The following PDGFB variants were observed in gnomAD, a reference collection of about 807,000 sequenced individuals.
PDGFB encodes platelet-derived growth factor subunit B.
In PDGFB, 6 loss-of-function variants were observed where a neutral mutation model predicts 29.0. The observed-to-expected ratio is 0.21, with a 90% confidence interval of 0.11 to 0.41. PDGFB has a LOEUF of 0.41. PDGFB is among the 10% of genes least tolerant of loss of function. PDGFB has a pLI of 1.00. For synonymous variants in PDGFB, 144 were observed against 140.8 expected (o/e 1.02, Z -0.16); for missense variants, 299 against 341.8 (o/e 0.87, Z 0.99).
rs749204297 is a variant in PDGFB, at chr22:39,243,874, C to G, written c.63+27G>C. On this transcript the variant is annotated intron_variant, in intron 1 of 6. Transcript: ENST00000331163. The surrounding 1 kb of genome is among the most constrained non-coding windows in gnomAD (Gnocchi z 6.4). ...GGGGGCGAAGGTAATGAATGAAGAA[C>G]CAGCCCCAGCCGCCGTGGCAACTCA... is the stretch of plus-strand genomic sequence containing the variant. 5 of 1,586,166 alleles carry G rather than the reference C, an allele frequency of 3.2e-6. No individual in the cohort carries two copies. The highest frequency in any genetic ancestry group is 4.3e-6 in the Non-Finnish European group (5 of 1,163,848).
intron 2 of PDGFB, among the ~76,000 whole-genome samples, chr22:39,234,239 C>A (rs145984560): frequency 6.6e-6 from 1 of 152,196 alleles, no homozygotes; most frequent in Non-Finnish European, 1.5e-5. Flanking sequence ...TCTGTTGATT[C>A]CTCTGGTCAC....
At chr22:39,236,504 C>A (rs1932446358) in intron 1 of PDGFB, among the ~76,000 whole-genome samples, 1 of 152,242 alleles carries the variant, frequency 6.6e-6, no homozygotes, top group Non-Finnish European at 1.5e-5. Flanking sequence ...GCCGGGAAAC[C>A]TGAAAGCTTA....
At chr22:39,228,483 G>A (rs1932218993) in intron 5 of PDGFB, among the ~76,000 whole-genome samples, 2 of 152,296 alleles carry the variant, frequency 1.3e-5, no homozygotes, top group South Asian at 4.1e-4. Flanking sequence ...CAGCTACTCA[G>A]GAGGCTGAGG....
At chr22:39,226,937 C>T (rs530392634) in intron 5 of PDGFB, among the ~76,000 whole-genome samples, 1 of 152,336 alleles carries the variant, frequency 6.6e-6, no homozygotes, top group African/African-American at 2.4e-5. Context: ...CACTTAACTG[C>T]CCTGTGCCTC....
At chr22:39,235,286 G>C (rs889365097) in intron 2 of PDGFB, among the ~76,000 whole-genome samples, 1 of 152,180 alleles carries the variant, frequency 6.6e-6, no homozygotes, top group Non-Finnish European at 1.5e-5. Context: ...TGTCAATCCA[G>C]CCCGCCAGCC....
Position 39,231,668 on chromosome 22 carries a change from C to A in PDGFB, c.410G>T (p.Arg137Leu), listed in dbSNP as rs755704691. ...CTGGGTGGGGCGGCACTGCACGTTG[C>A]GGTTGTTGCAGCAGCCGGAGCAGCG... ...VQRCSGCCNN[R>L]NVQCRPTQVQ... The change falls in exon 4 of 7, where the codon CGC (arginine) becomes CTC (leucine). Residue 137 changes from arginine (R) to leucine (L), a missense_variant. Transcript: ENST00000331163. This position sits in a 1 kb window ranked among gnomAD's most constrained non-coding sequence, Gnocchi z 4.3. The A allele has an allele frequency of 1.3e-6, 2 of 1,593,144 alleles. No individual in the cohort carries two copies. The highest frequency in any genetic ancestry group is 2.3e-5 in the East Asian group (1 of 43,836).
chr22:39,243,274 T>C lies in PDGFB; in HGVS notation c.63+627A>G, dbSNP rs111372553. Among the ~76,000 whole-genome samples the C allele has an allele frequency of 0.095, 5,743 of 60,432 alleles. 346 individuals carry two copies. The highest frequency in any genetic ancestry group is 0.22 in the African/African-American group (5,325 of 24,468). The allele number at this position is 60,432 out of a possible 152,430, so 39.6% of individuals were successfully genotyped here. A position where few individuals can be genotyped will look rare whatever the true frequency, so the allele number is the denominator to read the frequency against. On this transcript the variant is annotated intron_variant, in intron 1 of 6. Transcript: ENST00000331163. The surrounding 1 kb of genome is among the most constrained non-coding windows in gnomAD (Gnocchi z 6.4). ...TCCGTCTCTCTCTCTCTCTCTCTCT[T>C]TCTCTCTCTCTCTCTCTCTCTCCCT...
At position 39,244,179 on chromosome 22, in the gene PDGFB, G is replaced by T. The variant is rs901812178; in HGVS notation, c.-216C>A. 1.4e-5 allele frequency: 4 copies of T among 283,752 alleles called. No individual in the cohort carries two copies. The highest frequency in any genetic ancestry group is 5.3e-5 in the Admixed American group (1 of 18,932). The allele number at this position is 283,752 out of a possible 1,614,324, so 17.6% of individuals were successfully genotyped here. A position where few individuals can be genotyped will look rare whatever the true frequency, so the allele number is the denominator to read the frequency against. On this transcript the variant is annotated 5_prime_UTR_variant, in exon 1 of 7. Transcript: ENST00000331163. The surrounding 1 kb of genome is among the most constrained non-coding windows in gnomAD (Gnocchi z 4.5). ...CGCTGGGGGGCAGGGGAGGACCTGG[G>T]CGCAGGACCTGGGTCCGAGGCCGCT...
rs1191822105 is a variant in PDGFB, at chr22:39,223,745, T to C, written c.*1597A>G. The C allele has an allele frequency of 6.6e-6, 1 of 152,650 alleles. No homozygotes were observed. The highest frequency in any genetic ancestry group is 1.5e-5 in the Non-Finnish European group (1 of 68,046). 9.5% of individuals were successfully genotyped at this position (152,650 alleles called of 1,614,324 possible). ...TTAAATACGGAATATAAATAAATTT[T>C]ACATTTAAAAAATAAAAGGAAAGCC... On this transcript the variant is annotated 3_prime_UTR_variant, in exon 7 of 7. Coordinates refer to ENST00000331163, the MANE Select transcript of PDGFB (RefSeq NM_002608.4).
rs1454186706 is a variant in PDGFB, at chr22:39,233,544, CA to C, written c.161-21del. Reference sequence around the variant, plus strand: ...CTTCCTCTGCAGGAGAAGTCACAGTCAGACACCAGGCGGCCCCACCTTGGGC... The same window carrying C: ...CTTCCTCTGCAGGAGAAGTCACAGTCGACACCAGGCGGCCCCACCTTGGGC... On this transcript the variant is annotated intron_variant, in intron 2 of 6. Transcript: ENST00000331163. 3.2e-6 allele frequency: 5 copies of C among 1,562,866 alleles called. No individual in the cohort carries two copies. The African/African-American group carries it at 7.0e-5, about 22-fold the overall frequency.
chr22:39,244,714 C>A lies in PDGFB; in HGVS notation c.-751G>T, dbSNP rs1932652315. 5.6e-6 allele frequency: 1 copy of A among 179,810 alleles called. No homozygotes were observed. The highest frequency in any genetic ancestry group is 6.3e-5 in the Admixed American group (1 of 15,766). The allele number at this position is 179,810 out of a possible 1,614,324, so 11.1% of individuals were successfully genotyped here. On this transcript the variant is annotated 5_prime_UTR_variant, in exon 1 of 7. Coordinates refer to ENST00000331163, the MANE Select transcript of PDGFB (RefSeq NM_002608.4). The surrounding 1 kb of genome is among the most constrained non-coding windows in gnomAD (Gnocchi z 4.5). ...CTGCCCGCCCGCTCGCCGCTCTGGG[C>A]GTCCTCTGCGGGCTGCGGGCTGCGA...
chr22:39,243,631 G>A lies in PDGFB; in HGVS notation c.63+270C>T, dbSNP rs1468244569. 6.6e-6 allele frequency among the ~76,000 whole-genome samples: 1 copy of A among 152,150 alleles called. No individual in the cohort carries two copies. Among genetic ancestry groups the A allele is most frequent in the Non-Finnish European group, 1.5e-5 (1 of 68,000 alleles). ...GTTCTCGGGTTCCCAAAGGGTGGGG[G>A]ACAGGGCCACACACACCCTCCCCCG... On this transcript the variant is annotated intron_variant, in intron 1 of 6. Coordinates refer to ENST00000331163, the MANE Select transcript of PDGFB (RefSeq NM_002608.4). The surrounding 1 kb of genome is among the most constrained non-coding windows in gnomAD (Gnocchi z 6.4).
Position 39,242,239 on chromosome 22 carries a change from TGC to T in PDGFB, c.63+1660_63+1661del, listed in dbSNP as rs921652677. On this transcript the variant is annotated intron_variant, in intron 1 of 6. Transcript: ENST00000331163. This position sits in a 1 kb window ranked among gnomAD's most constrained non-coding sequence, Gnocchi z 5.7. Reference sequence around the variant, plus strand: ...CCGCGGTAGTGCGTGCCCGTCGCTCTGCGCGCCCGCCCGCCGGAGCGCAGCAT... The same window carrying T: ...CCGCGGTAGTGCGTGCCCGTCGCTCTGCGCCCGCCCGCCGGAGCGCAGCAT... The T allele has an allele frequency of 1.1e-5, 2 of 190,146 alleles. No individual in the cohort carries two copies. The highest frequency in any genetic ancestry group is 6.2e-5 in the Admixed American group (1 of 16,216). 11.8% of individuals were successfully genotyped at this position (190,146 alleles called of 1,614,324 possible).
At chr22:39,229,675 G>A (rs1569135125) in intron 5 of PDGFB, among the ~76,000 whole-genome samples, 2 of 152,218 alleles carry the variant, frequency 1.3e-5, no homozygotes, top group Non-Finnish European at 2.9e-5. Flanking sequence ...TCTGGATGGG[G>A]TGGTCAGGGC....
chr22:39,234,965 G>A (rs1932406409), intron 2 of PDGFB, among the ~76,000 whole-genome samples: 1 of 152,178 alleles, frequency 6.6e-6, no homozygotes, highest in Non-Finnish European at 1.5e-5. Flanking sequence ...GGGCCCTGGC[G>A]AACAATAGGT....
Position 39,244,817 on chromosome 22 carries a change from T to TG in PDGFB, c.-855_-854insC, listed in dbSNP as rs1289031814. 5.3e-6 allele frequency: 1 copy of TG among 187,172 alleles called. No individual in the cohort carries two copies. The highest frequency in any genetic ancestry group is 1.1e-5 in the Non-Finnish European group (1 of 89,862). The allele number at this position is 187,172 out of a possible 1,614,324, so 11.6% of individuals were successfully genotyped here. ...GAGGGTGGGCTTTTTTTTTTTTTTT[T>TG]CCTTTTTGCGCGCGTATGTATGTGT... On this transcript the variant is annotated 5_prime_UTR_variant, in exon 1 of 7. Transcript: ENST00000331163. This position sits in a 1 kb window ranked among gnomAD's most constrained non-coding sequence, Gnocchi z 4.5.
Position 39,224,572 on chromosome 22 carries a change from G to A in PDGFB, c.*770C>T, listed in dbSNP as rs2146427269. ...AGAGATGAAAGGAACCAGAGGAAGA[G>A]GTGAATCAGAGTGGAGTGTGGGGAG... On this transcript the variant is annotated 3_prime_UTR_variant, in exon 7 of 7. Coordinates refer to ENST00000331163, the MANE Select transcript of PDGFB (RefSeq NM_002608.4). 1 of 152,934 alleles carries A rather than the reference G, an allele frequency of 6.5e-6. No individual in the cohort carries two copies. The highest frequency in any genetic ancestry group is 1.9e-4 in the East Asian group (1 of 5,252). 9.5% of individuals were successfully genotyped at this position (152,934 alleles called of 1,614,324 possible).
At position 39,243,903 on chromosome 22, in the gene PDGFB, C is replaced by T. The variant is rs772048678; in HGVS notation, c.61G>A (p.Glu21Lys). The change falls in exon 1 of 7, where the codon GAG becomes AAG. Residue 21 changes from glutamate to lysine, a missense_variant and splice_region_variant. Physicochemically the swap from Glu to Lys is moderately conservative, Grantham distance 56 (BLOSUM62 1). Coordinates refer to ENST00000331163, the MANE Select transcript of PDGFB (RefSeq NM_002608.4). This position sits in a 1 kb window ranked among gnomAD's most constrained non-coding sequence, Gnocchi z 6.4. ...LCCYLRLVSA[E>K]GDPIPEELYE... is the part of the protein sequence containing the mutation. ...CCCCAGCCGCCGTGGCAACTCACCTCGGCGCTGACCAGACGCAGGTAGCAG... is the reference window on the plus strand; with the variant it reads ...CCCCAGCCGCCGTGGCAACTCACCTTGGCGCTGACCAGACGCAGGTAGCAG... The T allele has an allele frequency of 6.2e-7, 1 of 1,605,168 alleles. No individual in the cohort carries two copies. Among genetic ancestry groups the T allele is most frequent in the Non-Finnish European group, 8.5e-7 (1 of 1,175,992 alleles).
chr22:39,240,906 C>G (rs1265847804), intron 1 of PDGFB: 1 of 1,602,852 alleles, frequency 6.2e-7, no homozygotes, highest in Non-Finnish European at 8.5e-7. Context: ...CTCTCTCTCT[C>G]TCTCTCTCAG....
Sources: allele counts gnomAD v4.1 joint callset (sites outside exome capture counted in the v4.1 genomes callset), GRCh38; gene constraint gnomAD v4.1.1; non-coding constraint Gnocchi (gnomAD v3.1); transcripts MANE v1.5; gene names NCBI Gene and HGNC (gene_info 2026-07-23, HGNC 2026-07-21).